The following ITGA2B variants were observed in gnomAD, a reference collection of about 807,000 sequenced individuals.
ITGA2B encodes the protein integrin subunit alpha 2b.
Under a neutral mutation model 142.0 loss-of-function variants are expected in ITGA2B, and 91 were observed. The ratio of observed to expected loss-of-function variants is 0.64; its 90% confidence interval spans 0.54 to 0.76. The LOEUF (loss-of-function observed/expected upper bound fraction) is 0.76, where lower values mean the gene tolerates loss of function less well. ITGA2B is among the 30% of genes least tolerant of loss of function. ITGA2B has a pLI of 0.00. For missense variants in ITGA2B, 1,231 were observed against 1,350.8 expected (o/e 0.91, Z 1.39); for synonymous variants, 536 against 567.2 (o/e 0.94, Z 0.78).
At chr17:44,388,814 GT>G (rs2048672895) in intron 1 of ITGA2B, among the ~76,000 whole-genome samples, 1 of 129,622 alleles carries the variant, frequency 7.7e-6, no homozygotes, top group Non-Finnish European at 1.6e-5. Context: ...ACTGTGCCTG[GT>G]CTCTTTTTTT....
intron 22 of ITGA2B, 50 bp from the exon 23 acceptor site, chr17:44,376,438 G>C: frequency 1.3e-6 from 2 of 1,570,584 alleles, no homozygotes; most frequent in Non-Finnish European, 8.8e-7. Context: ...CCAGCCCAGT[G>C]ACTTTCTGGG....
At position 44,385,030 on chromosome 17, in the gene ITGA2B, G is replaced by C; in HGVS notation, c.717C>G (p.Arg239=). 6.2e-7 allele frequency: 1 copy of C among 1,614,190 alleles called. No individual in the cohort carries two copies. Among genetic ancestry groups the C allele is most frequent in the Admixed American group, 1.7e-5 (1 of 60,026 alleles). Reference sequence around the variant, plus strand: ...ACACGTGCCACAAAAGGATGCCTGGGCGGTAACTCGAGAAAATATCCGCAA... The same window carrying C: ...ACACGTGCCACAAAAGGATGCCTGGCCGGTAACTCGAGAAAATATCCGCAA... ...APVADIFSSY[R]PGILLWHVSS... is the part of the protein sequence containing the mutation. Residue 239 remains arginine (R), a synonymous_variant, in exon 7 of 30, where the codon CGC becomes CGG. Transcript: ENST00000262407.
Position 44,384,805 on chromosome 17 carries a change from C to A in ITGA2B, c.799+143G>T, listed in dbSNP as rs989857821. 4.9e-6 allele frequency: 7 copies of A among 1,419,156 alleles called. No individual in the cohort carries two copies. In the Admixed American group the frequency reaches 6.7e-5, roughly 14 times the overall value. 87.9% of individuals were successfully genotyped at this position (1,419,156 alleles called of 1,614,324 possible). On this transcript the variant is annotated intron_variant, in intron 7 of 29. Coordinates refer to ENST00000262407, the MANE Select transcript of ITGA2B (RefSeq NM_000419.5). ...GGGAGGTGGGCGGTCTGCGGGGAAG[C>A]CGCAGGAGCGGAGGGCGGGAGCGGC...
At position 44,374,659 on chromosome 17, in the gene ITGA2B, C is replaced by G; in HGVS notation, c.2943G>C (p.Gln981His). ...PPLSLPRGEAQVWTQLLRALE... is the reference protein window; with the variant it reads ...PPLSLPRGEAHVWTQLLRALE... ...CTCTGCTCCATCCCCCCACACTCAC[C>G]TGAGCTTCCCCTCGGGGCAGGCTGA... The change falls in exon 28 of 30, where the codon CAG (glutamine) becomes CAC (histidine). Residue 981 changes from glutamine to histidine, a missense_variant and splice_region_variant. Around this residue, in one of 3 missense-constraint regions of ITGA2B, gnomAD observed 908 missense variants for 1,021.1 expected, o/e 0.89. Transcript: ENST00000262407. 6.2e-7 allele frequency: 1 copy of G among 1,613,518 alleles called. No individual in the cohort carries two copies. The highest frequency in any genetic ancestry group is 8.5e-7 in the Non-Finnish European group (1 of 1,179,460).
At chr17:44,385,423 C>A in intron 4 of ITGA2B, 88 bp from the exon 5 acceptor site, 1 of 1,536,552 alleles carries the variant, frequency 6.5e-7, no homozygotes, top group Non-Finnish European at 8.7e-7. Context: ...GGGGCGGGGC[C>A]TTGAGTCGGC....
rs1227284448 is a variant in ITGA2B, at chr17:44,378,501, G to A, written c.1955C>T (p.Ser652Phe). The A allele has an allele frequency of 6.2e-7, 1 of 1,613,800 alleles. No homozygotes were observed. The highest frequency in any genetic ancestry group is 2.2e-5 in the East Asian group (1 of 44,872). Residue 652 changes from serine to phenylalanine, a missense_variant, in exon 20 of 30, where the codon TCC (serine) becomes TTC (phenylalanine). By Grantham distance (155) the Ser-to-Phe change is radical. This residue lies in a region of ITGA2B where 908 missense variants were observed against 1,021.1 expected (regional missense o/e 0.89). Coordinates refer to ENST00000262407, the MANE Select transcript of ITGA2B (RefSeq NM_000419.5). Reference protein sequence around the residue: ...QLQLTASVTGSPLLVGADNVL... With the variant: ...QLQLTASVTGFPLLVGADNVL... ...ATTATCTGCCCCAACTAGGAGCGGG[G>A]AGCCCGTCCTGTGGGGAAAGAGGAG...
In ITGA2B at chr17:44,384,693, C is replaced by A. The variant is rs2048628159; in HGVS notation, c.800-108G>T. 2.8e-6 allele frequency: 4 copies of A among 1,408,396 alleles called. No individual in the cohort carries two copies. In the Middle Eastern group the frequency reaches 5.4e-4, roughly 191 times the overall value. 87.2% of individuals were successfully genotyped at this position (1,408,396 alleles called of 1,614,324 possible). On this transcript the variant is annotated intron_variant, in intron 7 of 29. Transcript: ENST00000262407. ...CACTCAGCCCCAGCCCTGCATTGTG[C>A]AGATGGAAAAACGGAGGCCTTCGAG...
intron 26 of ITGA2B, 193 bp downstream of exon 26, chr17:44,375,398 A>C: frequency 1.4e-6 from 1 of 694,232 alleles, no homozygotes; most frequent in South Asian, 1.9e-5. Flanking sequence ...GGAAGCTTTT[A>C]AAAAGTGCAA....
In ITGA2B at chr17:44,376,601, CT is replaced by C. The variant is rs34314431; in HGVS notation, c.2268-214del. Among the ~76,000 whole-genome samples, 679 of 147,694 alleles carry C rather than the reference CT, an allele frequency of 4.6e-3. 7 individuals carry two copies. Among genetic ancestry groups the C allele is most frequent in the African/African-American group, 0.015 (598 of 40,442 alleles). ...AAGGGAACCAGGCTTCTTCAAAGAC[CT>C]TTTTTTTTTTCTTTTGAGATAGAAT... On this transcript the variant is annotated intron_variant, in intron 22 of 29. Coordinates refer to ENST00000262407, the MANE Select transcript of ITGA2B (RefSeq NM_000419.5).
rs527261623 is a variant in ITGA2B, at chr17:44,381,519, G to A, written c.1211-458C>T. Among the ~76,000 whole-genome samples, 8 of 151,914 alleles carry A rather than the reference G, an allele frequency of 5.3e-5. No homozygotes were observed. In the South Asian group the frequency reaches 8.3e-4, roughly 16 times the overall value. Reference sequence around the variant, plus strand: ...TAATTTTTGTATTTTCAGTAGAGACGGGGTTTCACCACATTGGCCAGGCTG... The same window carrying A: ...TAATTTTTGTATTTTCAGTAGAGACAGGGTTTCACCACATTGGCCAGGCTG... On this transcript the variant is annotated intron_variant, in intron 12 of 29. Transcript: ENST00000262407.
chr17:44,384,420 G>C, intron 8 of ITGA2B, 66 bp from the exon 9 acceptor site: 1 of 1,607,470 alleles, frequency 6.2e-7, no homozygotes, highest in African/African-American at 1.3e-5. Context: ...CCCGCTCCCC[G>C]TTCTGCACCC....
intron 27 of ITGA2B, 56 bp from the exon 28 acceptor site, chr17:44,374,816 G>A (rs1433498909): frequency 1.3e-6 from 2 of 1,486,704 alleles, no homozygotes; most frequent in East Asian, 2.3e-5. Context: ...ATTGGTTGCA[G>A]GAGTCCAGGT....
rs117870452 is a variant in ITGA2B, at chr17:44,376,322, T to C, written c.2334A>G (p.Gln778=). The change falls in exon 23 of 30, where the codon CAA becomes CAG. Residue 778 remains glutamine (Q), a synonymous_variant. Transcript: ENST00000262407. ...LLDVPVRAEA[Q]VELRGNSFPA... ...TGGCCTCTCACCCTCGCAGCTCCAC[T>C]TGGGCCTCTGCCCGGACCGGCACGT... 138 of 1,614,196 alleles carry C rather than the reference T, an allele frequency of 8.5e-5. 1 individual carries two copies. In the East Asian group the frequency reaches 2.6e-3, roughly 30 times the overall value.
At position 44,377,704 on chromosome 17, in the gene ITGA2B, GTTC is replaced by G. The variant is rs2048557313; in HGVS notation, c.2178_2180del (p.Lys726del). ...CACGACCCAGCAGCCTCACCTGGGC[GTTC>G]TTCTTCATGGGGTTGCCCAGCTCAC... On this transcript the variant is annotated inframe_deletion, in exon 21 of 30. Transcript: ENST00000262407. 1.2e-6 allele frequency: 2 copies of G among 1,613,046 alleles called. No individual in the cohort carries two copies. The highest frequency in any genetic ancestry group is 1.7e-6 in the Non-Finnish European group (2 of 1,179,482).
At chr17:44,385,978 C>T (rs748851299) in intron 2 of ITGA2B, 32 bp downstream of exon 2, 20 of 1,614,022 alleles carry the variant, frequency 1.2e-5, no homozygotes, top group Admixed American at 3.3e-5. Context: ...GTCCCTCTGA[C>T]CCCAACCTTG....
chr17:44,377,703 C>T lies in ITGA2B; in HGVS notation c.2182G>A (p.Ala728Thr), dbSNP rs146445219. The stretch of plus-strand genomic sequence containing the variant: ...CCACGACCCAGCAGCCTCACCTGGG[C>T]GTTCTTCTTCATGGGGTTGCCCAGC... ...CELGNPMKKNAQIGIAMLVSV... is the reference protein window; with the variant it reads ...CELGNPMKKNTQIGIAMLVSV... The change falls in exon 21 of 30, where the codon GCC (alanine) becomes ACC (threonine). Residue 728 changes from alanine to threonine, a missense_variant. Physicochemically the swap from Ala to Thr is moderately conservative, Grantham distance 58. Transcript: ENST00000262407. 14 of 1,612,818 alleles carry T rather than the reference C, an allele frequency of 8.7e-6. No homozygotes were observed. The East Asian group carries it at 1.3e-4, about 15-fold the overall frequency.
chr17:44,380,395 G>T lies in ITGA2B; in HGVS notation c.1535C>A (p.Pro512His), dbSNP rs760890078. ...KSCVLPQTKT[P>H]VSCFNIQMCV... ...CCCTCTGCCTCCTCACCAGCTCACG[G>T]GTGTCTTGGTCTGAGGTAGGACACA... Residue 512 changes from proline to histidine, a missense_variant, in exon 15 of 30, where the codon CCC becomes CAC. Coordinates refer to ENST00000262407, the MANE Select transcript of ITGA2B (RefSeq NM_000419.5). 4.3e-6 allele frequency: 7 copies of T among 1,614,134 alleles called. No individual in the cohort carries two copies. The East Asian group carries it at 1.3e-4, about 31-fold the overall frequency.
Position 44,375,033 on chromosome 17 carries a change from C to T in ITGA2B, c.2806G>A (p.Val936Met), listed in dbSNP as rs1475364266. ...MARGQRAMVTVLAFLWLPSLY... is the reference protein window; with the variant it reads ...MARGQRAMVTMLAFLWLPSLY... ...CTGGGCAGCCACAGGAAGGCCAGCA[C>T]CGTGACCATGGCCCGCTGCCCGCGC... The change falls in exon 27 of 30, where the codon GTG becomes ATG. Residue 936 changes from valine (V) to methionine (M), a missense_variant. This residue lies in a region of ITGA2B where 908 missense variants were observed against 1,021.1 expected (regional missense o/e 0.89). Coordinates refer to ENST00000262407, the MANE Select transcript of ITGA2B (RefSeq NM_000419.5). 6.5e-7 allele frequency: 1 copy of T among 1,545,264 alleles called. No individual in the cohort carries two copies. Among genetic ancestry groups the T allele is most frequent in the Admixed American group, 2.0e-5 (1 of 50,988 alleles).
At chr17:44,384,037 C>T in intron 10 of ITGA2B, 48 bp downstream of exon 10, 1 of 1,613,812 alleles carries the variant, frequency 6.2e-7, no homozygotes, top group Non-Finnish European at 8.5e-7. Flanking sequence ...ATTCTGAAGT[C>T]TCAGTTCCCC....
Sources: gnomAD v4.1 joint callset for allele counts (sites outside exome capture counted in the v4.1 genomes callset) on GRCh38, gnomAD v4.1.1 for gene constraint, gnomAD v4.1.1 regional missense constraint, MANE v1.5 for transcripts, NCBI Gene and HGNC (gene_info 2026-07-23, HGNC 2026-07-21) for gene names.